Variants in MYOF observed in about 807,000 individuals in gnomAD.
MYOF encodes myoferlin, also known as fer-1-like 3, myoferlin.
A neutral mutation model predicts 284.2 loss-of-function variants in MYOF; 244 were observed. The ratio of observed to expected loss-of-function variants is 0.86; its 90% confidence interval spans 0.77 to 0.95. The LOEUF is 0.95. Among genes scored for constraint, MYOF ranks in the 40% least tolerant of loss-of-function variants. MYOF has a pLI of 0.00. For missense variants in MYOF, 2,496 were observed against 2,560.6 expected (o/e 0.97, Z 0.54); for synonymous variants, 904 against 919.7 (o/e 0.98, Z 0.31).
intron 39 of MYOF, among the ~76,000 whole-genome samples, chr10:93,339,013 C>T (rs1229873849): frequency 7.6e-6 from 1 of 131,404 alleles, no homozygotes; most frequent in Non-Finnish European, 1.6e-5. Context: ...AAGGCTACCA[C>T]TTTTTTTTTT....
Position 93,328,790 on chromosome 10 carries a change from C to T in MYOF, c.5104G>A (p.Gly1702Arg), listed in dbSNP as rs752903932. ...SEDGSRIRYG[G>R]RDYSLDEFEA... ...AATTCATCCAAGCTGTAGTCTCGTC[C>T]TCCATATCTGATTCTACTCCCATCT... The change falls in exon 45 of 54, where the codon GGA (glycine) becomes AGA (arginine). Residue 1702 changes from glycine (G) to arginine (R), a missense_variant. Physicochemically the swap from Gly to Arg is moderately radical, Grantham distance 125. This residue lies in a region of MYOF where 2,436 missense variants were observed against 2,480.7 expected (regional missense o/e 0.98). Transcript: ENST00000359263. 6.2e-6 allele frequency: 10 copies of T among 1,613,220 alleles called. No individual in the cohort carries two copies. Among genetic ancestry groups the T allele is most frequent in the Middle Eastern group, 1.6e-4 (1 of 6,082 alleles).
intron 53 of MYOF, among the ~76,000 whole-genome samples, chr10:93,307,334 C>T (rs766154402): frequency 1.5e-4 from 23 of 152,006 alleles, no homozygotes; most frequent in Non-Finnish European, 2.6e-4. Flanking sequence ...CTTGCTCTGT[C>T]GCCTAGGCTG....
chr10:93,314,560 G>T (rs757209748), intron 50 of MYOF, among the ~76,000 whole-genome samples: 1 of 152,188 alleles, frequency 6.6e-6, no homozygotes, highest in Non-Finnish European at 1.5e-5. Context: ...CAACAAGGAG[G>T]TTGTGGCATT....
In MYOF at chr10:93,397,466, C is replaced by T. The variant is rs1368295734; in HGVS notation, c.1222-10G>A. The T allele has an allele frequency of 1.9e-6, 3 of 1,599,112 alleles. No homozygotes were observed. The highest frequency in any genetic ancestry group is 2.6e-6 in the Non-Finnish European group (3 of 1,174,602). On this transcript the variant is annotated splice_polypyrimidine_tract_variant and intron_variant, in intron 13 of 53. Transcript: ENST00000359263. Reference sequence around the variant, plus strand: ...TTATGTTTGTACAAACCTGTAAAATCACCAAAGCAAAAGTGTAGGTTTTCA... The same window carrying T: ...TTATGTTTGTACAAACCTGTAAAATTACCAAAGCAAAAGTGTAGGTTTTCA...
Position 93,369,046 on chromosome 10 carries a change from A to T in MYOF, c.2589+599T>A, listed in dbSNP as rs570471859. ...TGTAATGAGACTTTTCATTAACTAC[A>T]TGGATTTTAAGCTCAGTGAAGGTTT... On this transcript the variant is annotated intron_variant, in intron 25 of 53. Transcript: ENST00000359263. Among the ~76,000 whole-genome samples the T allele has an allele frequency of 3.4e-5, 5 of 146,668 alleles. No individual in the cohort carries two copies. In the East Asian group the frequency reaches 1.1e-3, roughly 34 times the overall value.
chr10:93,334,463 A>G (rs1426048000), intron 41 of MYOF, among the ~76,000 whole-genome samples: 1 of 152,070 alleles, frequency 6.6e-6, no homozygotes, highest in Non-Finnish European at 1.5e-5. Flanking sequence ...TGGCCTCTGC[A>G]TTGAGATAAT....
At chr10:93,362,036 C>A (rs545665484) in intron 27 of MYOF, among the ~76,000 whole-genome samples, 2 of 151,958 alleles carry the variant, frequency 1.3e-5, no homozygotes, top group East Asian at 1.9e-4. Context: ...GCAACCTCTG[C>A]CTCCTGGGTT....
chr10:93,310,205 G>T (rs1005293576), intron 52 of MYOF, 38 bp from the exon 53 acceptor site: 1 of 1,604,148 alleles, frequency 6.2e-7, no homozygotes, highest in African/African-American at 1.3e-5. Flanking sequence ...ACCCAACTCA[G>T]GAGGGATGCA....
chr10:93,426,190 C>T (rs1466327844), intron 4 of MYOF, 32 bp from the exon 5 acceptor site: 1 of 1,545,958 alleles, frequency 6.5e-7, no homozygotes, highest in Non-Finnish European at 8.8e-7. Context: ...CAAATATTAT[C>T]AGTGCAGGGC....
At position 93,306,863 on chromosome 10, in the gene MYOF, T is replaced by A; in HGVS notation, c.*100A>T. 8.0e-7 allele frequency: 1 copy of A among 1,246,230 alleles called. No homozygotes were observed. Among genetic ancestry groups the A allele is most frequent in the Non-Finnish European group, 1.2e-6 (1 of 856,954 alleles). 77.2% of individuals were successfully genotyped at this position (1,246,230 alleles called of 1,614,324 possible). ...TCGGTGACATGGCGTAACCTGCTAC[T>A]GGGGTGTGGTCTCAGACACAAAATC... On this transcript the variant is annotated 3_prime_UTR_variant, in exon 54 of 54. Transcript: ENST00000359263.
chr10:93,459,055 G>A (rs948478216), intron 1 of MYOF, among the ~76,000 whole-genome samples: 2 of 152,214 alleles, frequency 1.3e-5, no homozygotes, highest in African/African-American at 4.8e-5. Flanking sequence ...CCCTTCCTAA[G>A]CTTCAGCGTG....
rs1845760670 is a variant in MYOF at position 93,374,827 on chromosome 10, T to C, written c.2237A>G (p.Asp746Gly). 6.2e-7 allele frequency: 1 copy of C among 1,614,060 alleles called. No homozygotes were observed. The highest frequency in any genetic ancestry group is 8.5e-7 in the Non-Finnish European group (1 of 1,180,022). The change falls in exon 23 of 54, where the codon GAT becomes GGT. Residue 746 changes from aspartate (D) to glycine (G), a missense_variant. Physicochemically the swap from Asp to Gly is moderately conservative, Grantham distance 94. Around this residue, in one of 3 missense-constraint regions of MYOF, gnomAD observed 2,436 missense variants for 2,480.7 expected, o/e 0.98. Coordinates refer to ENST00000359263, the MANE Select transcript of MYOF (RefSeq NM_013451.4). ...AAVRMRSEAT[D>G]VKSTLAEIED... ...AATTTCTGCCAGTGTGGACTTCACA[T>C]CTGTGGCTTCCGACCTCATCCTCAC...
At chr10:93,457,259 A>C (rs2056766159) in intron 1 of MYOF, among the ~76,000 whole-genome samples, 1 of 152,180 alleles carries the variant, frequency 6.6e-6, no homozygotes, top group African/African-American at 2.4e-5. Context: ...TGAGATGCTG[A>C]TATTGCTATT....
At chr10:93,363,078 C>T (rs1194657916) in intron 27 of MYOF, among the ~76,000 whole-genome samples, 1 of 152,124 alleles carries the variant, frequency 6.6e-6, no homozygotes, top group Non-Finnish European at 1.5e-5. Flanking sequence ...ATAGTAGGTA[C>T]ATATAATAAA....
At chr10:93,423,563 G>T (rs531859971) in intron 5 of MYOF, among the ~76,000 whole-genome samples, 198 of 139,520 alleles carry the variant, frequency 1.4e-3, no homozygotes, top group African/African-American at 5.2e-3. Flanking sequence ...GCCGAGTGCA[G>T]TGGTTTACGC....
intron 1 of MYOF, among the ~76,000 whole-genome samples, chr10:93,463,394 A>AATTTTTTTTT (rs34592074): frequency 3.8e-5 from 3 of 78,928 alleles, no homozygotes; most frequent in Non-Finnish European, 6.9e-5. Flanking sequence ...GTCTCTACAA[A>AATTTTTTTTT]TTTTTTTTTT....
chr10:93,405,116 TTA>T (rs1465459111), intron 7 of MYOF, among the ~76,000 whole-genome samples: 10 of 136,964 alleles, frequency 7.3e-5, no homozygotes, highest in Admixed American at 1.4e-4. Context: ...GACATTTGCT[TTA>T]TCTCTTTTTT....
At position 93,355,746 on chromosome 10, in the gene MYOF, A is replaced by AT; in HGVS notation, c.3295-11dup. 6.2e-7 allele frequency: 1 copy of AT among 1,605,100 alleles called. No homozygotes were observed. The highest frequency in any genetic ancestry group is 8.5e-7 in the Non-Finnish European group (1 of 1,173,026). ...CGGTAGTGTCTGCCCCCTGAAGTCA[A>AT]TTAACAGAGTCAATTAGCAGAGAAG... On this transcript the variant is annotated splice_polypyrimidine_tract_variant and intron_variant, in intron 30 of 53. Coordinates refer to ENST00000359263, the MANE Select transcript of MYOF (RefSeq NM_013451.4).
chr10:93,411,352 G>C (rs76869959), intron 5 of MYOF, among the ~76,000 whole-genome samples: 2,150 of 152,304 alleles, frequency 0.014, 51 homozygotes, highest in African/African-American at 0.047. Context: ...TCCCATGATG[G>C]AAGAAGCAAA....
Sources: allele counts gnomAD v4.1 joint callset (sites outside exome capture counted in the v4.1 genomes callset), GRCh38; gene constraint gnomAD v4.1.1; regional missense constraint gnomAD v4.1.1; transcripts MANE v1.5; gene names NCBI Gene and HGNC (gene_info 2026-07-23, HGNC 2026-07-21).